ANKMY1: variants seen among roughly 807,000 people sequenced by gnomAD.
ANKMY1 encodes ankyrin repeat and MYND domain containing 1.
Under a neutral mutation model 102.0 loss-of-function variants are expected in ANKMY1, and 98 were observed. The ratio of observed to expected loss-of-function variants is 0.96; its 90% CI spans 0.82 to 1.14. The LOEUF is 1.14. Among genes scored for constraint, ANKMY1 ranks in the 50% most tolerant of loss-of-function variants. ANKMY1 has a pLI of 0.00. For missense variants in ANKMY1, 1,330 were observed against 1,347.6 expected (o/e 0.99, Z 0.20); for synonymous variants, 582 against 559.9 (o/e 1.04, Z -0.56).
the ANKMY1 span, among the ~76,000 whole-genome samples, chr2:240,473,385 G>C: frequency 7.0e-6 from 1 of 142,168 alleles, no homozygotes; most frequent in South Asian, 2.2e-4. Flanking sequence ...TGACAAAATT[G>C]AAAAATTCAA....
At chr2:240,497,096 A>G (rs899089555) in intron 15 of ANKMY1, among the ~76,000 whole-genome samples, 6 of 151,464 alleles carry the variant, frequency 4.0e-5, no homozygotes, top group Non-Finnish European at 7.4e-5. Context: ...ATAAGAATGG[A>G]GCCGCCACCT....
At chr2:240,543,808 G>A (rs1244607382) in intron 4 of ANKMY1, among the ~76,000 whole-genome samples, 2 of 152,068 alleles carry the variant, frequency 1.3e-5, no homozygotes, top group South Asian at 4.1e-4. Flanking sequence ...ACGTTCATTA[G>A]ATACCTAAGT....
the ANKMY1 span, among the ~76,000 whole-genome samples, chr2:240,470,775 T>C: frequency 6.6e-6 from 1 of 152,172 alleles, no homozygotes; most frequent in Non-Finnish European, 1.5e-5. Flanking sequence ...TCAGCTAAAA[T>C]AACCCCCTCT....
intron 4 of ANKMY1, among the ~76,000 whole-genome samples, chr2:240,548,600 T>C (rs570605921): frequency 4.9e-4 from 74 of 151,990 alleles, no homozygotes; most frequent in African/African-American, 1.7e-3. Flanking sequence ...GACATGATTG[T>C]ATATCTAGAA....
At position 240,529,471 on chromosome 2, in the gene ANKMY1, G is replaced by C. The variant is rs540611765; in HGVS notation, c.519C>G (p.Val173=). ...YKADQRFGPG[V]ETYPDGSQDV... is the part of the protein sequence containing the mutation. Reference sequence around the variant, plus strand: ...CCTGGCTGCCATCGGGGTAGGTCTCGACACCTGGCCCAAACCGCTGGTCCG... The same window carrying C: ...CCTGGCTGCCATCGGGGTAGGTCTCCACACCTGGCCCAAACCGCTGGTCCG... The change falls in exon 5 of 18, where the codon GTC becomes GTG. Residue 173 remains valine, a synonymous_variant. Transcript: ENST00000401804. This position sits in a 1 kb window ranked among gnomAD's most constrained non-coding sequence, Gnocchi z 4.2. 14 of 1,613,828 alleles carry C rather than the reference G, an allele frequency of 8.7e-6. No homozygotes were observed. The highest frequency in any genetic ancestry group is 4.0e-5 in the African/African-American group (3 of 75,020).
At chr2:240,525,143 T>C (rs1359510914) in intron 7 of ANKMY1, among the ~76,000 whole-genome samples, 1 of 152,244 alleles carries the variant, frequency 6.6e-6, no homozygotes, top group Non-Finnish European at 1.5e-5. Flanking sequence ...ATTGTTACAT[T>C]TCTTTCCTGC....
intron 4 of ANKMY1, among the ~76,000 whole-genome samples, chr2:240,536,015 G>GCA (rs767732304): frequency 1.3e-5 from 2 of 152,172 alleles, no homozygotes; most frequent in Non-Finnish European, 2.9e-5. Context: ...TCAAAGAACT[G>GCA]CAACCATACA....
At chr2:240,528,876 C>T (rs1171892450) in intron 5 of ANKMY1, among the ~76,000 whole-genome samples, 161 bp downstream of exon 5, 1 of 152,198 alleles carries the variant, frequency 6.6e-6, no homozygotes, top group Non-Finnish European at 1.5e-5. Flanking sequence ...GGCTTTCCCT[C>T]CCTTCATTAT....
chr2:240,501,111 T>C (rs1416553801), intron 13 of ANKMY1, among the ~76,000 whole-genome samples: 9 of 151,226 alleles, frequency 6.0e-5, no homozygotes, highest in Admixed American at 5.9e-4. Flanking sequence ...GGTGTGTGGA[T>C]ATGTGTGTGT....
chr2:240,521,491 CT>C (rs1162330484), intron 8 of ANKMY1, among the ~76,000 whole-genome samples: 1,558 of 69,514 alleles, frequency 0.022, 10 homozygotes, highest in Middle Eastern at 0.062. Flanking sequence ...GGTGTTACAG[CT>C]TTTTTTTTTT....
chr2:240,552,390 A>G (rs577834180), intron 4 of ANKMY1, among the ~76,000 whole-genome samples: 1 of 152,306 alleles, frequency 6.6e-6, no homozygotes, highest in Admixed American at 6.5e-5. Context: ...GATCAGCCAC[A>G]GTTTGTTGAA....
downstream of ANKMY1, among the ~76,000 whole-genome samples, chr2:240,476,014 GT>G (rs2074828310): frequency 6.6e-6 from 1 of 151,962 alleles, no homozygotes; most frequent in Non-Finnish European, 1.5e-5. Flanking sequence ...TAAAATTTGT[GT>G]GGAATCACAA....
intron 15 of ANKMY1, among the ~76,000 whole-genome samples, chr2:240,497,826 T>C (rs1015156688): frequency 2.6e-5 from 4 of 152,204 alleles, no homozygotes; most frequent in Non-Finnish European, 5.9e-5. Context: ...GCCAAGGCTG[T>C]GGAGCTGGGG....
rs1220447508 is a variant in ANKMY1, at chr2:240,506,836, A to G, written c.2526+724T>C. ...CCCTGCCTGAGCCAAAGCCACTGAG[A>G]GTTTCCCAGAGCCACATGGGAGGGA... is the stretch of plus-strand genomic sequence containing the variant. On this transcript the variant is annotated intron_variant, in intron 13 of 17. Transcript: ENST00000401804. This position sits in a 1 kb window ranked among gnomAD's most constrained non-coding sequence, Gnocchi z 4.9. Among the ~76,000 whole-genome samples the G allele has an allele frequency of 6.6e-6, 1 of 152,148 alleles. No homozygotes were observed. The highest frequency in any genetic ancestry group is 1.5e-5 in the Non-Finnish European group (1 of 68,018).
chr2:240,507,745 G>A, intron 12 of ANKMY1, 54 bp from the exon 13 acceptor site: 1 of 1,539,662 alleles, frequency 6.5e-7, no homozygotes. Context: ...TCCCCTGACA[G>A]AGGGGAAGGC....
chr2:240,533,104 A>G (rs1272976689), intron 4 of ANKMY1, among the ~76,000 whole-genome samples: 2 of 152,274 alleles, frequency 1.3e-5, no homozygotes, highest in African/African-American at 4.8e-5. Context: ...ATTTTCCTGG[A>G]AAATTAAACG....
intron 1 of ANKMY1, 92 bp from the exon 2 acceptor site, chr2:240,557,444 T>A: frequency 7.3e-7 from 1 of 1,379,012 alleles, no homozygotes; most frequent in Non-Finnish European, 9.5e-7. Context: ...CCCCTGAGCC[T>A]CAGAGAACCC....
At chr2:240,503,692 A>C (rs1036597846) in intron 13 of ANKMY1, among the ~76,000 whole-genome samples, 1 of 152,160 alleles carries the variant, frequency 6.6e-6, no homozygotes, top group African/African-American at 2.4e-5. Context: ...AGGAGAAAGG[A>C]GAAGAGGACT....
intron 4 of ANKMY1, among the ~76,000 whole-genome samples, chr2:240,546,363 C>G (rs1161497586): frequency 2.4e-4 from 36 of 152,128 alleles, no homozygotes; most frequent in African/African-American, 8.7e-4. Flanking sequence ...GAAGGAAGCG[C>G]TAAACATGGA....
Sources: gnomAD v4.1 joint callset for allele counts (sites outside exome capture counted in the v4.1 genomes callset) on GRCh38, gnomAD v4.1.1 for gene constraint, Gnocchi (gnomAD v3.1) non-coding constraint, MANE v1.5 for transcripts, NCBI Gene and HGNC (gene_info 2026-07-23, HGNC 2026-07-21) for gene names.